Variants in MALRD1 observed in about 807,000 individuals in gnomAD.
MALRD1 encodes MAM and LDL-receptor class A domain-containing protein 1.
In MALRD1, 247 loss-of-function variants were observed where a neutral mutation model predicts 242.1. The observed-to-expected ratio is 1.02, with a 90% CI of 0.92 to 1.13. MALRD1 has a LOEUF of 1.13. Ranked by LOEUF, MALRD1 falls within the 50% of genes most tolerant of loss-of-function variation. The pLI, the probability that MALRD1 is intolerant of heterozygous loss-of-function variation, is 0.00. For missense variants in MALRD1, 2,989 were observed against 2,533.1 expected (o/e 1.18, Z -3.86); for synonymous variants, 995 against 866.6 (o/e 1.15, Z -2.60).
intron 38 of MALRD1, among the ~76,000 whole-genome samples, chr10:19,709,745 C>G (rs891276864): frequency 6.6e-6 from 1 of 152,074 alleles, no homozygotes; most frequent in African/African-American, 2.4e-5. Flanking sequence ...AGAGTTAATG[C>G]TCATTTTAAA....
At chr10:19,500,220 T>C (rs976687917) in intron 31 of MALRD1, among the ~76,000 whole-genome samples, 7 of 152,222 alleles carry the variant, frequency 4.6e-5, no homozygotes, top group Non-Finnish European at 1.0e-4. Flanking sequence ...TTAAATTGAA[T>C]ATTCTAACTC....
chr10:19,138,436 TTG>T (rs1564416908), intron 10 of MALRD1, among the ~76,000 whole-genome samples: 8 of 150,936 alleles, frequency 5.3e-5, no homozygotes, highest in Non-Finnish European at 5.9e-5. Context: ...TTTTTTTTTT[TTG>T]GGGACAGAGT....
chr10:19,149,127 A>ATCTAT (rs1219449117), intron 11 of MALRD1, among the ~76,000 whole-genome samples: 2 of 97,730 alleles, frequency 2.0e-5, no homozygotes, highest in East Asian at 3.5e-4. Flanking sequence ...TATCTATCTA[A>ATCTAT]CTAGCTGAGA....
chr10:19,238,572 A>G (rs1297099541), intron 18 of MALRD1, among the ~76,000 whole-genome samples: 4 of 117,278 alleles, frequency 3.4e-5, no homozygotes, highest in South Asian at 2.3e-4. Flanking sequence ...TATAATATAC[A>G]TAATGTATAT....
At chr10:19,345,937 T>A (rs1169628948) in intron 24 of MALRD1, among the ~76,000 whole-genome samples, 1 of 152,094 alleles carries the variant, frequency 6.6e-6, no homozygotes, top group East Asian at 1.9e-4. Context: ...GTTTTCTTTT[T>A]TAATTTTTAA....
At chr10:19,518,565 G>A (rs1589187862) in intron 31 of MALRD1, among the ~76,000 whole-genome samples, 2 of 151,820 alleles carry the variant, frequency 1.3e-5, no homozygotes, top group Non-Finnish European at 2.9e-5. Flanking sequence ...AATGACATAC[G>A]TTGCCTTCAT....
At chr10:19,558,050 G>T (rs1835804609) in intron 32 of MALRD1, among the ~76,000 whole-genome samples, 1 of 151,622 alleles carries the variant, frequency 6.6e-6, no homozygotes. Flanking sequence ...AATTTCAATT[G>T]TTCATTCCTG....
chr10:19,269,217 C>G (rs1053320407), intron 19 of MALRD1, among the ~76,000 whole-genome samples: 4 of 152,120 alleles, frequency 2.6e-5, no homozygotes, highest in African/African-American at 9.7e-5. Context: ...ACCTTAATCC[C>G]CATTGAGATG....
intron 25 of MALRD1, among the ~76,000 whole-genome samples, chr10:19,348,320 A>C (rs975108266): frequency 6.6e-6 from 1 of 152,190 alleles, no homozygotes; most frequent in Non-Finnish European, 1.5e-5. Context: ...GTAAGATATC[A>C]GTTGTTTTCT....
At chr10:19,556,212 C>G (rs1439973773) in intron 32 of MALRD1, among the ~76,000 whole-genome samples, 2 of 152,134 alleles carry the variant, frequency 1.3e-5, no homozygotes, top group African/African-American at 4.8e-5. Flanking sequence ...TACCCTTGTC[C>G]TACCCAGTTT....
At chr10:19,235,153 A>G (rs965591243) in intron 18 of MALRD1, among the ~76,000 whole-genome samples, 10 of 152,120 alleles carry the variant, frequency 6.6e-5, no homozygotes, top group African/African-American at 2.4e-4. Context: ...CAGTCAGGTA[A>G]GTGAGCTGAT....
chr10:19,272,638 A>C (rs1840304957), intron 19 of MALRD1, among the ~76,000 whole-genome samples: 1 of 152,102 alleles, frequency 6.6e-6, no homozygotes, highest in South Asian at 2.1e-4. Flanking sequence ...CTAGGTTTTA[A>C]GCCGTGCATG....
chr10:19,538,249 T>C (rs189782637), intron 32 of MALRD1, among the ~76,000 whole-genome samples: 1 of 152,298 alleles, frequency 6.6e-6, no homozygotes, highest in East Asian at 1.9e-4. Flanking sequence ...TTAGGAAGAC[T>C]TCAATATCTT....
chr10:19,649,797 G>A (rs1296849519), intron 36 of MALRD1, among the ~76,000 whole-genome samples: 2 of 152,086 alleles, frequency 1.3e-5, no homozygotes, highest in African/African-American at 4.8e-5. Flanking sequence ...TAAAATTTCT[G>A]CCCATTCCTA....
chr10:19,372,720 G>A (rs1192322768), intron 26 of MALRD1, among the ~76,000 whole-genome samples: 2 of 151,870 alleles, frequency 1.3e-5, no homozygotes, highest in African/African-American at 2.4e-5. Context: ...CACCTGCCTC[G>A]GCCTCCCTAA....
intron 31 of MALRD1, among the ~76,000 whole-genome samples, chr10:19,505,123 G>A (rs1201006085): frequency 1.3e-5 from 2 of 152,150 alleles, no homozygotes; most frequent in African/African-American, 2.4e-5. Context: ...GAGAGGTAGA[G>A]TAGGAGGAAG....
At chr10:19,306,004 T>C (rs1365446067) in intron 21 of MALRD1, among the ~76,000 whole-genome samples, 1 of 120,238 alleles carries the variant, frequency 8.3e-6, no homozygotes, top group Admixed American at 1.0e-4. Flanking sequence ...ATATTATATA[T>C]TATACTATAT....
At chr10:19,693,522 T>C (rs909764952) in intron 38 of MALRD1, among the ~76,000 whole-genome samples, 3 of 152,136 alleles carry the variant, frequency 2.0e-5, no homozygotes, top group Non-Finnish European at 4.4e-5. Context: ...TTACAAGGGA[T>C]GTGAAGGACC....
intron 36 of MALRD1, among the ~76,000 whole-genome samples, chr10:19,620,975 T>C (rs2131622418): frequency 6.6e-6 from 1 of 151,452 alleles, no homozygotes; most frequent in Admixed American, 6.6e-5. Context: ...TTCTCTCCAG[T>C]TTATAGGATA....
Sources: allele counts gnomAD v4.1 joint callset (sites outside exome capture counted in the v4.1 genomes callset), GRCh38; gene constraint gnomAD v4.1.1; transcripts MANE v1.5; gene names NCBI Gene and HGNC (gene_info 2026-07-23, HGNC 2026-07-21).